Variants in CTNNA2 observed in about 807,000 individuals in gnomAD.
CTNNA2 encodes catenin alpha 2.
A neutral mutation model predicts 101.0 loss-of-function variants in CTNNA2; 42 were observed. The observed-to-expected ratio is 0.42, with a 90% CI of 0.32 to 0.54. The LOEUF (loss-of-function observed/expected upper bound fraction) is 0.54, where lower values mean the gene tolerates loss of function less well. Ranked by LOEUF, CTNNA2 falls within the 20% of genes least tolerant of loss-of-function variation. CTNNA2 has a pLI of 0.14. For synonymous variants in CTNNA2, 450 were observed against 456.4 expected, an observed-to-expected ratio of 0.99 and a Z score of 0.18; for missense variants, 871 against 1,223.1, an observed-to-expected ratio of 0.71 and a Z score of 4.29.
At chr2:80,336,205 G>A (rs546887500) in intron 7 of CTNNA2, among the ~76,000 whole-genome samples, 6 of 152,182 alleles carry the variant, frequency 3.9e-5, no homozygotes, top group East Asian at 1.9e-4. Flanking sequence ...GTGAGGGTTC[G>A]TTCCTCATAG....
intron 2 of CTNNA2, among the ~76,000 whole-genome samples, chr2:79,288,722 T>C (rs1675698598): frequency 6.6e-6 from 1 of 152,196 alleles, no homozygotes; most frequent in Admixed American, 6.5e-5. Flanking sequence ...TGCCAGTCTC[T>C]TACACCTGGG....
At position 80,647,581 on chromosome 2, in the gene CTNNA2, C is replaced by T; in HGVS notation, c.2575-4C>T. 6.2e-7 allele frequency: 1 copy of T among 1,602,754 alleles called. No individual in the cohort carries two copies. Among genetic ancestry groups the T allele is most frequent in the Non-Finnish European group, 8.5e-7 (1 of 1,173,294 alleles). On this transcript the variant is annotated splice_region_variant and splice_polypyrimidine_tract_variant and intron_variant, in intron 18 of 18. Coordinates refer to ENST00000402739, the MANE Select transcript of CTNNA2 (RefSeq NM_001282597.3). ...ACATGTATCTCATTCTTTTCCTACTCTAGCTGGACAGTGCCACATCGCTTA... is the reference window on the plus strand; with the variant it reads ...ACATGTATCTCATTCTTTTCCTACTTTAGCTGGACAGTGCCACATCGCTTA...
intron 7 of CTNNA2, among the ~76,000 whole-genome samples, chr2:80,285,205 G>A (rs898956211): frequency 6.6e-6 from 1 of 152,166 alleles, no homozygotes; most frequent in Admixed American, 6.5e-5. Flanking sequence ...CATGGATGAA[G>A]AAGGTGGGGA....
At chr2:79,421,834 A>G (rs1188528448) in intron 4 of CTNNA2, among the ~76,000 whole-genome samples, 2 of 152,148 alleles carry the variant, frequency 1.3e-5, no homozygotes, top group Non-Finnish European at 2.9e-5. Context: ...AATGGACAAT[A>G]TATACGTAAT....
At position 80,538,357 on chromosome 2, in the gene CTNNA2, G is replaced by C. The variant is rs944167072; in HGVS notation, c.1291-6625G>C. Among the ~76,000 whole-genome samples the C allele has an allele frequency of 9.2e-5, 14 of 152,136 alleles. 1 individual carries two copies. Among genetic ancestry groups the C allele is most frequent in the African/African-American group, 3.4e-4 (14 of 41,486 alleles). On this transcript the variant is annotated intron_variant, in intron 9 of 18. Transcript: ENST00000402739. ...TTCTTCTAGGGTTTTTATGGTTTTG[G>C]GTTTTACATTTAAGTCTTTAATCCA...
chr2:79,645,320 T>C (rs1680743341), intron 1 of CTNNA2, among the ~76,000 whole-genome samples: 1 of 152,240 alleles, frequency 6.6e-6, no homozygotes, highest in South Asian at 2.1e-4. Flanking sequence ...AGCAACTTTC[T>C]CTACTGTTTT....
At chr2:80,509,436 A>C (rs1688530837) in intron 9 of CTNNA2, among the ~76,000 whole-genome samples, 1 of 152,284 alleles carries the variant, frequency 6.6e-6, no homozygotes, top group South Asian at 2.1e-4. Context: ...TCTACGGACA[A>C]GAAATTGTCC....
Position 80,546,079 on chromosome 2 carries a change from A to G in CTNNA2, c.1540+16A>G. 1 of 1,613,132 alleles carries G rather than the reference A, an allele frequency of 6.2e-7. No individual in the cohort carries two copies. The highest frequency in any genetic ancestry group is 1.7e-5 in the Admixed American group (1 of 59,952). On this transcript the variant is annotated intron_variant, in intron 11 of 18. Transcript: ENST00000402739. The stretch of plus-strand genomic sequence containing the variant: ...TCTGTCTCAGGTAATCATCACAAAC[A>G]GGTCCCTTACAAGGCAGCTGGAGGA...
At chr2:80,021,094 A>G (rs1694530723) in intron 7 of CTNNA2, among the ~76,000 whole-genome samples, 1 of 141,478 alleles carries the variant, frequency 7.1e-6, no homozygotes, top group South Asian at 2.2e-4. Flanking sequence ...ATCGTGGCTC[A>G]CTGCAACCTC....
At chr2:79,340,893 A>T (rs1677122074) in intron 3 of CTNNA2, among the ~76,000 whole-genome samples, 2 of 128,180 alleles carry the variant, frequency 1.6e-5, no homozygotes, top group Non-Finnish European at 3.5e-5. Context: ...GAATCTAGGG[A>T]TCTAGTAAAA....
chr2:80,359,425 A>G (rs977635431), intron 7 of CTNNA2, among the ~76,000 whole-genome samples: 2 of 152,140 alleles, frequency 1.3e-5, no homozygotes, highest in African/African-American at 4.8e-5. Flanking sequence ...TGTAATCCCC[A>G]GTGTTGGAGG....
Position 80,157,783 on chromosome 2 carries a change from C to G in CTNNA2, c.1057-235428C>G, listed in dbSNP as rs1573249775. On this transcript the variant is annotated intron_variant, in intron 7 of 18. Transcript: ENST00000402739. ...GCTATCCCTTGACACATTTGTGTCA[C>G]AGGTGCCGATTCCTGCAGTTTACTG... Among the ~76,000 whole-genome samples, 3 of 152,018 alleles carry G rather than the reference C, an allele frequency of 2.0e-5. No homozygotes were observed. In the South Asian group the frequency reaches 6.2e-4, roughly 32 times the overall value.
chr2:79,992,223 C>T (rs1249659149), intron 7 of CTNNA2, among the ~76,000 whole-genome samples: 2 of 152,050 alleles, frequency 1.3e-5, no homozygotes, highest in East Asian at 1.9e-4. Flanking sequence ...GAAAGAACCA[C>T]ATTTATATTC....
chr2:80,140,469 C>A (rs1220957054), intron 7 of CTNNA2, among the ~76,000 whole-genome samples: 1 of 152,088 alleles, frequency 6.6e-6, no homozygotes, highest in African/African-American at 2.4e-5. Flanking sequence ...GGTCTTAAGT[C>A]CATGGTGACA....
intron 3 of CTNNA2, among the ~76,000 whole-genome samples, chr2:79,336,829 G>C (rs1448822787): frequency 6.6e-6 from 1 of 152,130 alleles, no homozygotes; most frequent in African/African-American, 2.4e-5. Context: ...TTTCTTGAAA[G>C]AGGAAATGCG....
chr2:80,034,070 A>G (rs1010039239), intron 7 of CTNNA2, among the ~76,000 whole-genome samples: 92 of 151,730 alleles, frequency 6.1e-4, no homozygotes, highest in African/African-American at 2.1e-3. Flanking sequence ...CTGAAAATCC[A>G]TTAATCATTA....
intron 9 of CTNNA2, among the ~76,000 whole-genome samples, chr2:80,489,135 A>G (rs575527593): frequency 6.6e-6 from 1 of 152,224 alleles, no homozygotes; most frequent in South Asian, 2.1e-4. Flanking sequence ...CATTTGAATG[A>G]GGTGACAGCA....
chr2:79,341,462 G>A (rs760248419), intron 3 of CTNNA2, among the ~76,000 whole-genome samples: 1 of 152,154 alleles, frequency 6.6e-6, no homozygotes, highest in Non-Finnish European at 1.5e-5. Context: ...TAGTTATGGT[G>A]TTATGCAGAC....
At chr2:80,541,585 C>A (rs996668824) in intron 9 of CTNNA2, among the ~76,000 whole-genome samples, 1 of 152,094 alleles carries the variant, frequency 6.6e-6, no homozygotes, top group Admixed American at 6.5e-5. Context: ...TTAGCGTTTC[C>A]TTCTGTTAGA....
Sources: allele counts gnomAD v4.1 joint callset (sites outside exome capture counted in the v4.1 genomes callset), GRCh38; gene constraint gnomAD v4.1.1; transcripts MANE v1.5; gene names NCBI Gene and HGNC (gene_info 2026-07-23, HGNC 2026-07-21).